The following TENM3 variants were observed in gnomAD, a reference collection of about 807,000 sequenced individuals.
TENM3 encodes teneurin transmembrane protein 3.
In TENM3, 63 loss-of-function variants were observed where a neutral mutation model predicts 255.1. The observed-to-expected ratio is 0.25, with a 90% CI of 0.20 to 0.30. TENM3 has a LOEUF of 0.30. Among genes scored for constraint, TENM3 ranks in the 10% least tolerant of loss-of-function variants. TENM3 has a pLI of 1.00. For synonymous variants in TENM3, 1,306 were observed against 1,322.3 expected, an observed-to-expected ratio of 0.99 and a Z score of 0.27; for missense variants, 2,929 against 3,461.1, an observed-to-expected ratio of 0.85 and a Z score of 3.86.
At chr4:182,603,357 T>C (rs1446713544) in intron 4 of TENM3, among the ~76,000 whole-genome samples, 1 of 152,170 alleles carries the variant, frequency 6.6e-6, no homozygotes, top group Non-Finnish European at 1.5e-5. Flanking sequence ...CTAATAAATA[T>C]ACAGAATAAT....
chr4:182,187,129 C>G (rs1427582808), intron 1 of TENM3, among the ~76,000 whole-genome samples: 1 of 151,724 alleles, frequency 6.6e-6, no homozygotes, highest in African/African-American at 2.4e-5. Flanking sequence ...GGTCTGTAAA[C>G]TTTGCAAAGT....
intron 3 of TENM3, among the ~76,000 whole-genome samples, chr4:182,431,261 C>G (rs547078069): frequency 6.6e-6 from 1 of 151,754 alleles, no homozygotes; most frequent in African/African-American, 2.4e-5. Flanking sequence ...TTTGGGAGAC[C>G]GAGACAGGCG....
At position 182,556,953 on chromosome 4, in the gene TENM3, T is replaced by A. The variant is rs569572954; in HGVS notation, c.512-43971T>A. Among the ~76,000 whole-genome samples, 118 of 152,312 alleles carry A rather than the reference T, an allele frequency of 7.7e-4. 1 individual carries two copies. The highest frequency in any genetic ancestry group is 2.7e-3 in the African/African-American group (114 of 41,578). ...TAGGTTACCCTAGAGGCAGTATTCA[T>A]CTAATCAAGAGTTCATTCATTCCTG... On this transcript the variant is annotated intron_variant, in intron 3 of 27. Transcript: ENST00000511685.
chr4:182,034,353 T>C, the TENM3 span, among the ~76,000 whole-genome samples: 2 of 152,190 alleles, frequency 1.3e-5, no homozygotes, highest in Non-Finnish European at 2.9e-5. Flanking sequence ...CCATTCTGTG[T>C]CTTTTACTTG....
At chr4:182,229,373 A>T (rs998071952) in intron 1 of TENM3, among the ~76,000 whole-genome samples, 17 of 152,282 alleles carry the variant, frequency 1.1e-4, no homozygotes, top group African/African-American at 2.6e-4. Flanking sequence ...CTCATCTATA[A>T]GCAGAGTCTT....
At chr4:182,009,675 GC>G in the TENM3 span, among the ~76,000 whole-genome samples, 6 of 152,052 alleles carry the variant, frequency 3.9e-5, no homozygotes, top group African/African-American at 7.2e-5. Context: ...GCTGGCTACT[GC>G]CCCCTCCTCC....
At chr4:181,843,716 CT>C in the TENM3 span, among the ~76,000 whole-genome samples, 40,897 of 104,286 alleles carry the variant, frequency 0.39, 5,362 homozygotes, top group Admixed American at 0.47. Context: ...TAAGGGCCTT[CT>C]TTTTTTTTTT....
At chr4:181,764,108 AAAAG>A in the TENM3 span, among the ~76,000 whole-genome samples, 41 of 152,338 alleles carry the variant, frequency 2.7e-4, no homozygotes, top group Admixed American at 1.7e-3. Context: ...CTGCTCCTCT[AAAAG>A]AAAGATTTTT....
chr4:181,894,006 A>G, the TENM3 span, among the ~76,000 whole-genome samples: 1 of 151,698 alleles, frequency 6.6e-6, no homozygotes, highest in African/African-American at 2.4e-5. Flanking sequence ...AGGCTTGGAT[A>G]ATCCTGTCTA....
the TENM3 span, among the ~76,000 whole-genome samples, chr4:182,097,080 G>C: frequency 6.6e-6 from 1 of 152,100 alleles, no homozygotes. Flanking sequence ...TTTGCGATTG[G>C]GACAGGGCTA....
chr4:181,723,791 G>C, the TENM3 span, among the ~76,000 whole-genome samples: 1 of 152,084 alleles, frequency 6.6e-6, no homozygotes. Flanking sequence ...TTTATTGATG[G>C]TTGTGGGAAG....
intron 1 of TENM3, among the ~76,000 whole-genome samples, chr4:182,166,261 T>A (rs1304906456): frequency 6.6e-6 from 1 of 152,202 alleles, no homozygotes; most frequent in Non-Finnish European, 1.5e-5. Flanking sequence ...TAGGAAACTA[T>A]AAAGGCAGAT....
At chr4:182,068,266 G>A in the TENM3 span, among the ~76,000 whole-genome samples, 128 of 152,102 alleles carry the variant, frequency 8.4e-4, 2 homozygotes, top group East Asian at 0.024. Flanking sequence ...CCATATTTGC[G>A]CTTCCCATTT....
At chr4:182,537,668 T>A (rs1049308928) in intron 3 of TENM3, among the ~76,000 whole-genome samples, 4 of 152,244 alleles carry the variant, frequency 2.6e-5, no homozygotes, top group Admixed American at 2.6e-4. Context: ...ACCGTCTGCA[T>A]AATCTCATTG....
the TENM3 span, among the ~76,000 whole-genome samples, chr4:181,844,302 T>C: frequency 6.6e-6 from 1 of 152,126 alleles, no homozygotes; most frequent in East Asian, 1.9e-4. Context: ...GACATGGAAA[T>C]ACGCTGTGGG....
intron 18 of TENM3, among the ~76,000 whole-genome samples, chr4:182,740,076 A>G (rs1761486934): frequency 6.6e-6 from 1 of 152,212 alleles, no homozygotes; most frequent in South Asian, 2.1e-4. Flanking sequence ...CCTTCCCTCC[A>G]GGAAATAATA....
the TENM3 span, among the ~76,000 whole-genome samples, chr4:181,564,028 C>CTTTTTTTTTTTTTTTTTTTTTTTTTT: frequency 1.1e-5 from 1 of 94,714 alleles, no homozygotes; most frequent in Non-Finnish European, 2.1e-5. Flanking sequence ...CTTTTCTTTT[C>CTTTTTTTTTTTTTTTTTTTTTTTTTT]TTTTCTTTTT....
the TENM3 span, among the ~76,000 whole-genome samples, chr4:181,686,824 A>G: frequency 7.2e-5 from 11 of 152,288 alleles, no homozygotes; most frequent in South Asian, 6.2e-4. Context: ...GGCCATTTCT[A>G]TACTCATCGA....
the TENM3 span, among the ~76,000 whole-genome samples, chr4:181,865,389 A>T: frequency 6.6e-6 from 1 of 152,298 alleles, no homozygotes; most frequent in African/African-American, 2.4e-5. Flanking sequence ...CTTGTTGCCG[A>T]TGATGATGGC....
Sources: gnomAD v4.1 joint callset for allele counts (sites outside exome capture counted in the v4.1 genomes callset) on GRCh38, gnomAD v4.1.1 for gene constraint, MANE v1.5 for transcripts, NCBI Gene and HGNC (gene_info 2026-07-23, HGNC 2026-07-21) for gene names.